FSHR: variants seen among roughly 807,000 people sequenced by gnomAD.
FSHR encodes follicle-stimulating hormone receptor.
Under a neutral mutation model 52.1 loss-of-function variants are expected in FSHR, and 46 were observed. That is an observed-to-expected ratio of 0.88 (90% CI 0.70 to 1.13). The LOEUF is 1.13. FSHR is among the 50% of genes most tolerant of loss of function. The pLI is 0.00. For missense variants in FSHR, 964 were observed against 834.6 expected, an observed-to-expected ratio of 1.16 and a Z score of -1.91; for synonymous variants, 399 against 309.6, an observed-to-expected ratio of 1.29 and a Z score of -3.03.
At chr2:49,046,344 A>C (rs1025841572) in intron 2 of FSHR, among the ~76,000 whole-genome samples, 1 of 152,180 alleles carries the variant, frequency 6.6e-6, no homozygotes, top group African/African-American at 2.4e-5. Flanking sequence ...ACACTTTTGC[A>C]TTCATAAATA....
At position 49,100,507 on chromosome 2, in the gene FSHR, G is replaced by C. The variant is rs150182558; in HGVS notation, c.153-32217C>G. Among the ~76,000 whole-genome samples the C allele has an allele frequency of 3.9e-3, 589 of 152,256 alleles. 1 individual carries two copies. Among genetic ancestry groups the C allele is most frequent in the South Asian group, 5.6e-3 (27 of 4,826 alleles). On this transcript the variant is annotated intron_variant, in intron 1 of 9. Coordinates refer to ENST00000406846, the MANE Select transcript of FSHR (RefSeq NM_000145.4). Reference sequence around the variant, plus strand: ...AAAAGAATTTTCATTCTGGAAAAAAGGAAAGTCTCAAGACTAGAAAGTCTT... The same window carrying C: ...AAAAGAATTTTCATTCTGGAAAAAACGAAAGTCTCAAGACTAGAAAGTCTT...
At chr2:48,985,225 T>G (rs1368903125) in intron 6 of FSHR, among the ~76,000 whole-genome samples, 1 of 152,178 alleles carries the variant, frequency 6.6e-6, no homozygotes, top group Non-Finnish European at 1.5e-5. Context: ...ATGAGGCCAG[T>G]GTGCTCACTC....
Position 49,154,418 on chromosome 2 carries a change from A to G in FSHR, c.-1T>C. On this transcript the variant is annotated 5_prime_UTR_variant, in exon 1 of 10. Coordinates refer to ENST00000406846, the MANE Select transcript of FSHR (RefSeq NM_000145.4). ...GCAAAGAGACCAGGAGCAGGGCCAT[A>G]ATTATGCATCCATCCACCTGATTTC... is the stretch of plus-strand genomic sequence containing the variant. 1 of 1,612,160 alleles carries G rather than the reference A, an allele frequency of 6.2e-7. No individual in the cohort carries two copies. The highest frequency in any genetic ancestry group is 8.5e-7 in the Non-Finnish European group (1 of 1,179,822).
At chr2:48,977,970 C>T (rs187135108) in intron 8 of FSHR, among the ~76,000 whole-genome samples, 35 of 152,246 alleles carry the variant, frequency 2.3e-4, no homozygotes, top group African/African-American at 8.2e-4. Context: ...TCACTTTTAA[C>T]GTTGCAACAC....
At position 49,112,062 on chromosome 2, in the gene FSHR, T is replaced by G. The variant is rs374466380; in HGVS notation, c.152+42204A>C. Among the ~76,000 whole-genome samples, 15 of 152,326 alleles carry G rather than the reference T, an allele frequency of 9.8e-5. No individual in the cohort carries two copies. In the East Asian group the frequency reaches 2.9e-3, roughly 29 times the overall value. ...ACTAGGATCTCTTACACATTTTTTT[T>G]CACCTCATGGTGTCACTTCTTATGG... On this transcript the variant is annotated intron_variant, in intron 1 of 9. Transcript: ENST00000406846.
Position 49,109,518 on chromosome 2 carries a change from C to T in FSHR, c.153-41228G>A, listed in dbSNP as rs139361868. The stretch of plus-strand genomic sequence containing the variant: ...TGAGAGAGCCTCCCCTGAGGTCAAG[C>T]GCATGGAGGACATAGTGGTTGTTCT... On this transcript the variant is annotated intron_variant, in intron 1 of 9. Transcript: ENST00000406846. Among the ~76,000 whole-genome samples the T allele has an allele frequency of 7.8e-4, 118 of 152,142 alleles. No individual in the cohort carries two copies. The East Asian group carries it at 0.02, about 26-fold the overall frequency.
At position 49,107,077 on chromosome 2, in the gene FSHR, C is replaced by G. The variant is rs1292316588; in HGVS notation, c.153-38787G>C. ...ATTACCTTTCAATGACTCCTTATCACCTGTAGAATAAAATTCAAACTCCTC... is the reference window on the plus strand; with the variant it reads ...ATTACCTTTCAATGACTCCTTATCAGCTGTAGAATAAAATTCAAACTCCTC... On this transcript the variant is annotated intron_variant, in intron 1 of 9. Transcript: ENST00000406846. Among the ~76,000 whole-genome samples, 4 of 152,170 alleles carry G rather than the reference C, an allele frequency of 2.6e-5. No individual in the cohort carries two copies. The East Asian group carries it at 5.8e-4, about 22-fold the overall frequency.
At chr2:49,150,964 A>G (rs558821212) in intron 1 of FSHR, among the ~76,000 whole-genome samples, 1 of 152,184 alleles carries the variant, frequency 6.6e-6, no homozygotes, top group South Asian at 2.1e-4. Flanking sequence ...TGACATGACA[A>G]TTATATGAAA....
chr2:49,003,771 G>T (rs1172721629), intron 4 of FSHR, among the ~76,000 whole-genome samples: 1 of 151,802 alleles, frequency 6.6e-6, no homozygotes, highest in African/African-American at 2.4e-5. Flanking sequence ...GAGAAAACCT[G>T]GTCCCCCACC....
At chr2:49,036,945 G>A (rs1001032987) in intron 2 of FSHR, among the ~76,000 whole-genome samples, 3 of 152,118 alleles carry the variant, frequency 2.0e-5, no homozygotes. Flanking sequence ...TGATCAGAAC[G>A]CTGAGCATGC....
At chr2:48,987,238 C>T (rs1032576649) in intron 6 of FSHR, among the ~76,000 whole-genome samples, 15 of 152,028 alleles carry the variant, frequency 9.9e-5, no homozygotes, top group African/African-American at 2.9e-4. Flanking sequence ...GAGTCTCACT[C>T]TGTTGCCCAG....
Position 49,021,855 on chromosome 2 carries a change from C to CTA in FSHR, c.225-1696_225-1695insTA, listed in dbSNP as rs1357200388. Among the ~76,000 whole-genome samples the CTA allele has an allele frequency of 4.9e-4, 18 of 36,822 alleles. No homozygotes were observed. In the East Asian group the frequency reaches 7.2e-3, roughly 15 times the overall value. 24.2% of individuals were successfully genotyped at this position (36,822 alleles called of 152,430 possible). A position where few individuals can be genotyped will look rare whatever the true frequency, so the allele number is the denominator to read the frequency against. Reference sequence around the variant, plus strand: ...TTTCTCTCTCTCTCTCTCTCTCTCTCTCTCTCTCTATATATATATATATAT... The same window carrying CTA: ...TTTCTCTCTCTCTCTCTCTCTCTCTCTATCTCTCTCTATATATATATATATAT... On this transcript the variant is annotated intron_variant, in intron 2 of 9. Coordinates refer to ENST00000406846, the MANE Select transcript of FSHR (RefSeq NM_000145.4).
At position 48,963,834 on chromosome 2, in the gene FSHR, C is replaced by T. The variant is rs6168; in HGVS notation, c.987G>A (p.Thr329=). The T allele has an allele frequency of 8.3e-5, 134 of 1,614,108 alleles. No homozygotes were observed. Among genetic ancestry groups the T allele is most frequent in the African/African-American group, 4.7e-4 (35 of 75,036 alleles). The change falls in exon 10 of 10, where the codon ACG becomes ACA. Residue 329 remains threonine, a synonymous_variant. Coordinates refer to ENST00000406846, the MANE Select transcript of FSHR (RefSeq NM_000145.4). ...ATAAGTCATAGTCAAACTCAGTGTA[C>T]GTCATGTCAAATCCTCTGCTGTAGC... The part of the protein sequence containing the change: ...ESSYSRGFDM[T]YTEFDYDLCN...
intron 2 of FSHR, among the ~76,000 whole-genome samples, chr2:49,037,958 A>G (rs749486965): frequency 2.0e-5 from 3 of 152,188 alleles, no homozygotes; most frequent in African/African-American, 4.8e-5. Flanking sequence ...TCCACACTCA[A>G]TAGTGAAACT....
chr2:49,021,831 T>TTCTCTCTCTCTCTC (rs1553334822), intron 2 of FSHR, among the ~76,000 whole-genome samples: 6 of 46,516 alleles, frequency 1.3e-4, no homozygotes, highest in Admixed American at 5.1e-4. Flanking sequence ...GGGTATGTGT[T>TTCTCTCTCTCTCTC]TCTCTCTCTC....
At chr2:49,024,348 G>A (rs1333678831) in intron 2 of FSHR, among the ~76,000 whole-genome samples, 1 of 152,142 alleles carries the variant, frequency 6.6e-6, no homozygotes. Context: ...GCTGAGATGG[G>A]TGGATCACCT....
chr2:49,061,631 T>C (rs374925114), intron 2 of FSHR, among the ~76,000 whole-genome samples: 2 of 132,582 alleles, frequency 1.5e-5, no homozygotes, highest in South Asian at 2.3e-4. Flanking sequence ...AAAATACATA[T>C]ATCTATAATA....
At chr2:49,082,872 G>A (rs893861490) in intron 1 of FSHR, among the ~76,000 whole-genome samples, 30 of 152,106 alleles carry the variant, frequency 2.0e-4, no homozygotes, top group African/African-American at 7.2e-4. Context: ...CGTCTGATTG[G>A]TGTACCTGAA....
chr2:49,031,350 C>T (rs549105918), intron 2 of FSHR, among the ~76,000 whole-genome samples: 67 of 152,216 alleles, frequency 4.4e-4, no homozygotes, highest in African/African-American at 1.5e-3. Context: ...TAGAAAGACA[C>T]CTTTTAGAAA....
Sources: allele counts gnomAD v4.1 joint callset (sites outside exome capture counted in the v4.1 genomes callset), GRCh38; gene constraint gnomAD v4.1.1; transcripts MANE v1.5; gene names NCBI Gene and HGNC (gene_info 2026-07-23, HGNC 2026-07-21).